The following BCHE variants were observed in gnomAD, a reference collection of about 807,000 sequenced individuals.
BCHE encodes the protein cholinesterase.
In BCHE, 48 loss-of-function variants were observed where a neutral mutation model predicts 51.3. The observed-to-expected ratio is 0.94, with a 90% CI of 0.74 to 1.19. The LOEUF (loss-of-function observed/expected upper bound fraction) is 1.19, where lower values mean the gene tolerates loss of function less well. Among genes scored for constraint, BCHE ranks in the 50% most tolerant of loss-of-function variants. The pLI is 0.00. For missense variants in BCHE, 847 were observed against 708.2 expected, an observed-to-expected ratio of 1.20 and a Z score of -2.23; for synonymous variants, 251 against 238.0, an observed-to-expected ratio of 1.05 and a Z score of -0.50.
chr3:165,811,818 C>A (rs1000892851), intron 2 of BCHE, among the ~76,000 whole-genome samples: 2 of 151,766 alleles, frequency 1.3e-5, no homozygotes, highest in African/African-American at 4.8e-5. Context: ...AAATAATAAT[C>A]AAAACAGTAA....
chr3:165,830,997 G>T lies in BCHE; in HGVS notation c.37C>A (p.Leu13Ile), dbSNP rs372942772. ...ATGCAGAGCAAAAGAAACCAAAAGA[G>T]AAATCTGATGCATATGATTGTGACT... ...SKVTIICIRFLFWFLLLCMLI... is the reference protein window; with the variant it reads ...SKVTIICIRFIFWFLLLCMLI... The change falls in exon 2 of 4, where the codon CTC becomes ATC. Residue 13 changes from leucine (L) to isoleucine (I), a missense_variant. Physicochemically the swap from Leu to Ile is conservative, Grantham distance 5 (BLOSUM62 2). Coordinates refer to ENST00000264381, the MANE Select transcript of BCHE (RefSeq NM_000055.4). The T allele has an allele frequency of 1.2e-6, 2 of 1,613,302 alleles. No individual in the cohort carries two copies. The highest frequency in any genetic ancestry group is 2.7e-5 in the African/African-American group (2 of 74,896).
intron 2 of BCHE, among the ~76,000 whole-genome samples, chr3:165,796,702 T>G (rs1437418697): frequency 6.6e-6 from 1 of 152,218 alleles, no homozygotes; most frequent in Non-Finnish European, 1.5e-5. Context: ...TCTTAATAAG[T>G]ATTTAAAAGA....
chr3:165,829,440 C>T, intron 2 of BCHE, 77 bp downstream of exon 2: 1 of 1,231,802 alleles, frequency 8.1e-7, no homozygotes, highest in Admixed American at 1.7e-5. Context: ...ATACTAAAGT[C>T]TACCCCAGAG....
At chr3:165,829,176 A>G (rs1714850394) in intron 2 of BCHE, among the ~76,000 whole-genome samples, 1 of 152,084 alleles carries the variant, frequency 6.6e-6, no homozygotes, top group Non-Finnish European at 1.5e-5. Context: ...AACATTGTAA[A>G]CTTGCAGGTT....
chr3:165,819,318 T>A (rs1388574610), intron 2 of BCHE, among the ~76,000 whole-genome samples: 3 of 151,960 alleles, frequency 2.0e-5, no homozygotes, highest in African/African-American at 7.3e-5. Flanking sequence ...CCTCGGATGA[T>A]CCTCCCGTTT....
intron 3 of BCHE, among the ~76,000 whole-genome samples, chr3:165,782,740 T>G (rs2108199760): frequency 6.6e-6 from 1 of 152,282 alleles, no homozygotes; most frequent in Non-Finnish European, 1.5e-5. Flanking sequence ...TCCAGCAGAT[T>G]ATACTTCCAT....
In BCHE at chr3:165,826,513, TG is replaced by T. The variant is rs531762930; in HGVS notation, c.1517+3003del. Among the ~76,000 whole-genome samples, 82 of 151,396 alleles carry T rather than the reference TG, an allele frequency of 5.4e-4. 1 individual carries two copies. Among genetic ancestry groups the T allele is most frequent in the Middle Eastern group, 3.4e-3 (1 of 290 alleles). ...AGTAAGATGGCTGTTTGCAAAGAGG[TG>T]GGGGGGGACTTTATTCTGAGGCAAT... On this transcript the variant is annotated intron_variant, in intron 2 of 3. Transcript: ENST00000264381.
At chr3:165,827,170 G>C in intron 2 of BCHE, among the ~76,000 whole-genome samples, 1 of 152,152 alleles carries the variant, frequency 6.6e-6, no homozygotes, top group Non-Finnish European at 1.5e-5. Flanking sequence ...TGTATACTTT[G>C]AAAGTAGATA....
At chr3:165,795,893 G>A (rs932272382) in intron 2 of BCHE, among the ~76,000 whole-genome samples, 2 of 151,984 alleles carry the variant, frequency 1.3e-5, no homozygotes, top group Non-Finnish European at 2.9e-5. Flanking sequence ...CAGCTTCACA[G>A]AGAATTTGGA....
At chr3:165,776,030 C>T (rs945263270) in intron 3 of BCHE, among the ~76,000 whole-genome samples, 1 of 151,836 alleles carries the variant, frequency 6.6e-6, no homozygotes, top group Non-Finnish European at 1.5e-5. Flanking sequence ...TTATTATCAA[C>T]ATCAGCAATA....
chr3:165,836,743 A>G (rs960888659), intron 1 of BCHE, among the ~76,000 whole-genome samples: 14 of 152,300 alleles, frequency 9.2e-5, no homozygotes, highest in African/African-American at 3.4e-4. Context: ...CTCATAAATC[A>G]CTGTAAATCA....
rs1232219342 is a variant in BCHE at position 165,773,450 on chromosome 3, A to C, written c.1741T>G (p.Tyr581Asp). Residue 581 changes from tyrosine to aspartate, a missense_variant, in exon 4 of 4, where the codon TAC becomes GAC. By Grantham distance (160) the Tyr-to-Asp change is radical (BLOSUM62 -3). Transcript: ENST00000264381. ...AATTGATTTTTCCAGTCCATCATGT[A>C]ATTGTTCCAGCGATGGAATCCTGCT... ...WKAGFHRWNN[Y>D]MMDWKNQFND... 1 of 1,608,868 alleles carries C rather than the reference A, an allele frequency of 6.2e-7. No homozygotes were observed. Among genetic ancestry groups the C allele is most frequent in the Admixed American group, 1.7e-5 (1 of 59,944 alleles).
Position 165,779,204 on chromosome 3 carries a change from C to G in BCHE, c.1685-5698G>C, listed in dbSNP as rs540075884. Among the ~76,000 whole-genome samples the G allele has an allele frequency of 2.0e-5, 3 of 152,140 alleles. No homozygotes were observed. In the South Asian group the frequency reaches 6.2e-4, roughly 32 times the overall value. ...TTTGAAAATTCTGCAAGGGAAATGGCCTTCAATGAAATTCAACATCACCTC... is the reference window on the plus strand; with the variant it reads ...TTTGAAAATTCTGCAAGGGAAATGGGCTTCAATGAAATTCAACATCACCTC... On this transcript the variant is annotated intron_variant, in intron 3 of 3. Transcript: ENST00000264381.
At chr3:165,796,411 G>T (rs1263743072) in intron 2 of BCHE, among the ~76,000 whole-genome samples, 4 of 152,096 alleles carry the variant, frequency 2.6e-5, no homozygotes, top group Non-Finnish European at 1.5e-5. Flanking sequence ...GGTATCAGAA[G>T]TCTTCCTTTA....
chr3:165,789,997 G>A (rs1713106466), intron 2 of BCHE, among the ~76,000 whole-genome samples: 1 of 152,072 alleles, frequency 6.6e-6, no homozygotes, highest in Non-Finnish European at 1.5e-5. Context: ...GATGATACTA[G>A]GTGCTAGTGA....
chr3:165,802,942 C>A (rs986711837), intron 2 of BCHE, among the ~76,000 whole-genome samples: 6 of 152,046 alleles, frequency 3.9e-5, no homozygotes, highest in Admixed American at 6.6e-5. Context: ...GGGGTTTCAC[C>A]GTTTTAGCCT....
intron 2 of BCHE, among the ~76,000 whole-genome samples, chr3:165,807,124 T>C (rs2108218523): frequency 6.6e-6 from 1 of 152,238 alleles, no homozygotes; most frequent in South Asian, 2.1e-4. Context: ...ATTACAAAAC[T>C]GAAGAAAATG....
At chr3:165,822,576 G>A (rs1714571392) in intron 2 of BCHE, among the ~76,000 whole-genome samples, 1 of 151,934 alleles carries the variant, frequency 6.6e-6, no homozygotes, top group South Asian at 2.1e-4. Context: ...ATTGACACTG[G>A]GAACATTACA....
chr3:165,835,987 T>C (rs954804479), intron 1 of BCHE, among the ~76,000 whole-genome samples: 2 of 151,926 alleles, frequency 1.3e-5, no homozygotes, highest in Non-Finnish European at 2.9e-5. Flanking sequence ...ATATATATTA[T>C]ACTTATCAAG....
Sources: gnomAD v4.1 joint callset for allele counts (sites outside exome capture counted in the v4.1 genomes callset) on GRCh38, gnomAD v4.1.1 for gene constraint, MANE v1.5 for transcripts, NCBI Gene and HGNC (gene_info 2026-07-23, HGNC 2026-07-21) for gene names.